The following OPCML variants were observed in gnomAD, a reference collection of about 807,000 sequenced individuals.
OPCML encodes opioid binding protein/cell adhesion molecule like.
Under a neutral mutation model 37.8 loss-of-function variants are expected in OPCML, and 13 were observed. The observed-to-expected ratio is 0.34, with a 90% CI of 0.22 to 0.55. OPCML has a LOEUF of 0.55. OPCML is among the 20% of genes least tolerant of loss of function. OPCML has a pLI of 0.91. For missense variants in OPCML, 341 were observed against 435.6 expected (o/e 0.78, Z 1.93); for synonymous variants, 176 against 168.8 (o/e 1.04, Z -0.33).
At chr11:132,459,920 A>G (rs1426251234) in intron 4 of OPCML, among the ~76,000 whole-genome samples, 2 of 152,188 alleles carry the variant, frequency 1.3e-5, no homozygotes, top group Admixed American at 1.3e-4. Flanking sequence ...TCCAAGTGAC[A>G]GGCCCACATT....
Position 132,430,320 on chromosome 11 carries a change from C to A in OPCML, c.916+5766G>T, listed in dbSNP as rs1245885853. The stretch of plus-strand genomic sequence containing the variant: ...AGGAGGGAGGTGGGGGATAAGGCAG[C>A]GGCGATGAGGGCTCTGCCCATGGGT... On this transcript the variant is annotated intron_variant, in intron 7 of 7. Transcript: ENST00000524381. Among the ~76,000 whole-genome samples, 6 of 152,088 alleles carry A rather than the reference C, an allele frequency of 3.9e-5. No individual in the cohort carries two copies. The South Asian group carries it at 1.2e-3, about 32-fold the overall frequency.
chr11:133,283,132 T>C (rs1204214482), intron 1 of OPCML, among the ~76,000 whole-genome samples: 1 of 151,998 alleles, frequency 6.6e-6, no homozygotes, highest in Non-Finnish European at 1.5e-5. Context: ...GAGAAGAACA[T>C]GATATTTTGG....
chr11:132,916,461 T>C (rs1295373085), intron 2 of OPCML, among the ~76,000 whole-genome samples: 2 of 152,208 alleles, frequency 1.3e-5, no homozygotes, highest in Admixed American at 6.5e-5. Context: ...TGAATTCCCA[T>C]TAGAGTTGTC....
intron 1 of OPCML, among the ~76,000 whole-genome samples, chr11:133,020,245 C>T (rs1449176522): frequency 6.6e-6 from 1 of 152,200 alleles, no homozygotes; most frequent in Non-Finnish European, 1.5e-5. Flanking sequence ...GTCGGCCCAT[C>T]TCAATGAGGC....
chr11:132,595,877 A>T (rs1234595550), intron 3 of OPCML, among the ~76,000 whole-genome samples: 1 of 152,250 alleles, frequency 6.6e-6, no homozygotes, highest in Admixed American at 6.5e-5. Context: ...GCTAAGAGCC[A>T]TGGACAGCAT....
intron 1 of OPCML, among the ~76,000 whole-genome samples, chr11:133,327,749 C>T (rs899111818): frequency 6.6e-6 from 1 of 152,160 alleles, no homozygotes; most frequent in African/African-American, 2.4e-5. Context: ...CATAGAATGA[C>T]TGTTCAATGT....
intron 1 of OPCML, among the ~76,000 whole-genome samples, chr11:133,286,605 C>G (rs1291600522): frequency 6.6e-6 from 1 of 152,024 alleles, no homozygotes; most frequent in African/African-American, 2.4e-5. Context: ...CCGAGTCTTG[C>G]GGGCAGTGGC....
chr11:133,510,430 T>C (rs4366501), intron 1 of OPCML, among the ~76,000 whole-genome samples: 6,615 of 152,284 alleles, frequency 0.043, 191 homozygotes, highest in South Asian at 0.098. Flanking sequence ...TTCTCATTTG[T>C]GATTCAAGCT....
intron 1 of OPCML, among the ~76,000 whole-genome samples, chr11:133,401,118 G>T (rs774015198): frequency 3.9e-5 from 6 of 152,148 alleles, no homozygotes; most frequent in Non-Finnish European, 7.3e-5. Flanking sequence ...AGGACCAAAA[G>T]TTGGAGTCCA....
rs533585065 is a variant in OPCML, at chr11:133,469,709, C to T, written c.61+62555G>A. 2.7e-4 allele frequency among the ~76,000 whole-genome samples: 41 copies of T among 152,294 alleles called. No homozygotes were observed. The South Asian group carries it at 7.9e-3, about 29-fold the overall frequency. On this transcript the variant is annotated intron_variant, in intron 1 of 7. Transcript: ENST00000524381. ...CGTCTGACCCAATTGGCTTTCTAAG[C>T]CTGCAATGCCCTCATCTCCAACACA... is the stretch of plus-strand genomic sequence containing the variant.
intron 4 of OPCML, among the ~76,000 whole-genome samples, chr11:132,492,807 T>C (rs1413507946): frequency 6.6e-6 from 1 of 152,226 alleles, no homozygotes; most frequent in African/African-American, 2.4e-5. Context: ...CTATGTGTAA[T>C]TTCCAGAAGA....
intron 1 of OPCML, among the ~76,000 whole-genome samples, chr11:133,491,429 G>T (rs1228542666): frequency 6.6e-6 from 1 of 152,200 alleles, no homozygotes; most frequent in Admixed American, 6.5e-5. Context: ...CTTGAGAGGA[G>T]AAGAGGCTGG....
At chr11:132,944,179 A>C (rs950150064) in intron 1 of OPCML, among the ~76,000 whole-genome samples, 1 of 145,320 alleles carries the variant, frequency 6.9e-6, no homozygotes, top group Non-Finnish European at 1.5e-5. Flanking sequence ...GGCTTCCCCT[A>C]CAGAGGGGCG....
intron 7 of OPCML, among the ~76,000 whole-genome samples, chr11:132,427,953 G>A (rs1406815150): frequency 6.6e-6 from 1 of 152,136 alleles, no homozygotes; most frequent in Non-Finnish European, 1.5e-5. Context: ...CAAAAGCAAT[G>A]GTGTTTCTCT....
intron 1 of OPCML, among the ~76,000 whole-genome samples, chr11:133,401,814 C>A (rs1246117339): frequency 6.6e-6 from 1 of 152,114 alleles, no homozygotes; most frequent in Non-Finnish European, 1.5e-5. Flanking sequence ...CTCTTTTAAG[C>A]TTTCAGTGAG....
At chr11:133,114,777 TAAG>T (rs1237908488) in intron 1 of OPCML, among the ~76,000 whole-genome samples, 1 of 152,288 alleles carries the variant, frequency 6.6e-6, no homozygotes, top group East Asian at 1.9e-4. Flanking sequence ...TTGGATGAAT[TAAG>T]AAGTAGGAGG....
chr11:132,584,441 T>A (rs2096468308), intron 3 of OPCML, among the ~76,000 whole-genome samples: 1 of 152,232 alleles, frequency 6.6e-6, no homozygotes, highest in Non-Finnish European at 1.5e-5. Flanking sequence ...TCATTTGCAC[T>A]TAAATTTCTT....
intron 1 of OPCML, among the ~76,000 whole-genome samples, chr11:133,253,272 T>G (rs1393705291): frequency 6.6e-6 from 1 of 151,818 alleles, no homozygotes; most frequent in Non-Finnish European, 1.5e-5. Context: ...TCTTTTGGGG[T>G]CTTCCTGTGA....
intron 2 of OPCML, among the ~76,000 whole-genome samples, chr11:132,786,404 G>A (rs1019690387): frequency 1.6e-4 from 25 of 152,270 alleles, no homozygotes; most frequent in South Asian, 6.2e-4. Flanking sequence ...TATCAATGCC[G>A]TAGATAACTT....
Sources: gnomAD v4.1 joint callset for allele counts (sites outside exome capture counted in the v4.1 genomes callset) on GRCh38, gnomAD v4.1.1 for gene constraint, MANE v1.5 for transcripts, NCBI Gene and HGNC (gene_info 2026-07-23, HGNC 2026-07-21) for gene names.